FCHSD2: variants seen among roughly 807,000 people sequenced by gnomAD.
FCHSD2 encodes the protein F-BAR and double SH3 domains protein 2.
FCHSD2 carries 38 observed loss-of-function variants against 108.1 expected under a neutral mutation model. The observed-to-expected ratio is 0.35, with a 90% CI of 0.27 to 0.46. The LOEUF (loss-of-function observed/expected upper bound fraction) is 0.46, where lower values mean the gene tolerates loss of function less well. Ranked by LOEUF, FCHSD2 falls within the 20% of genes least tolerant of loss-of-function variation. The pLI is 1.00. For missense variants in FCHSD2, 751 were observed against 897.8 expected (o/e 0.84, Z 2.09); for synonymous variants, 279 against 314.7 (o/e 0.89, Z 1.20).
At chr11:73,113,317 C>T (rs1397550103) in intron 2 of FCHSD2, among the ~76,000 whole-genome samples, 1 of 141,164 alleles carries the variant, frequency 7.1e-6, no homozygotes, top group Non-Finnish European at 1.5e-5. Context: ...TCCCTGGTAC[C>T]TTAGTTTGGT....
At chr11:72,940,757 A>G in intron 8 of FCHSD2, 1 of 853,546 alleles carries the variant, frequency 1.2e-6, no homozygotes, top group Non-Finnish European at 2.0e-6. Context: ...CCTGTTCATC[A>G]TGGTGTTAAT....
intron 2 of FCHSD2, among the ~76,000 whole-genome samples, chr11:73,129,509 T>C (rs1319446206): frequency 1.3e-5 from 2 of 152,220 alleles, no homozygotes; most frequent in Non-Finnish European, 1.5e-5. Flanking sequence ...GGGATCTAGG[T>C]TGCATGCTCC....
chr11:72,872,200 T>TTCA (rs1854874644), intron 12 of FCHSD2, among the ~76,000 whole-genome samples: 4 of 152,076 alleles, frequency 2.6e-5, no homozygotes, highest in African/African-American at 7.2e-5. Flanking sequence ...GCTTATTCTT[T>TTCA]TCATAATTTC....
intron 8 of FCHSD2, among the ~76,000 whole-genome samples, chr11:72,933,008 T>C (rs1856225828): frequency 6.6e-6 from 1 of 152,214 alleles, no homozygotes; most frequent in African/African-American, 2.4e-5. Flanking sequence ...TCTAATTCAG[T>C]AATTTTCAAA....
intron 12 of FCHSD2, among the ~76,000 whole-genome samples, chr11:72,874,732 C>G (rs1854931660): frequency 1.3e-5 from 2 of 152,208 alleles, no homozygotes; most frequent in Non-Finnish European, 2.9e-5. Flanking sequence ...CAGATTTAGA[C>G]TGCAGTCCCA....
chr11:72,916,453 C>T (rs1164861876), intron 9 of FCHSD2, among the ~76,000 whole-genome samples: 1 of 151,846 alleles, frequency 6.6e-6, no homozygotes, highest in Non-Finnish European at 1.5e-5. Context: ...GTTGGGACAA[C>T]AGGTATGCAG....
At chr11:72,918,425 T>C (rs1855918162) in intron 9 of FCHSD2, among the ~76,000 whole-genome samples, 1 of 152,022 alleles carries the variant, frequency 6.6e-6, no homozygotes, top group Non-Finnish European at 1.5e-5. Context: ...CAATGGTTAA[T>C]AGCGGTGGTG....
chr11:72,881,477 G>A (rs1297221618), intron 12 of FCHSD2, among the ~76,000 whole-genome samples: 1 of 152,194 alleles, frequency 6.6e-6, no homozygotes, highest in Non-Finnish European at 1.5e-5. Flanking sequence ...AAAACAGCAT[G>A]GAGGTTTCTC....
At chr11:73,024,947 T>C (rs1858192483) in intron 3 of FCHSD2, among the ~76,000 whole-genome samples, 1 of 152,128 alleles carries the variant, frequency 6.6e-6, no homozygotes, top group Admixed American at 6.6e-5. Flanking sequence ...TGAGATACTA[T>C]CTAACACCAG....
At chr11:72,967,122 C>T (rs1388335350) in intron 8 of FCHSD2, among the ~76,000 whole-genome samples, 2 of 151,722 alleles carry the variant, frequency 1.3e-5, no homozygotes, top group African/African-American at 2.4e-5. Context: ...ATGGCGTGAA[C>T]CCGGGAGGCA....
chr11:73,025,669 A>G (rs981000948), intron 3 of FCHSD2, among the ~76,000 whole-genome samples: 1 of 152,142 alleles, frequency 6.6e-6, no homozygotes, highest in Non-Finnish European at 1.5e-5. Context: ...AAATAAATAG[A>G]ATTTTAAAAA....
chr11:72,943,272 C>A (rs1856457165), intron 8 of FCHSD2, among the ~76,000 whole-genome samples: 1 of 152,184 alleles, frequency 6.6e-6, no homozygotes, highest in Non-Finnish European at 1.5e-5. Flanking sequence ...GGATTACAGG[C>A]ATGACCTACT....
At chr11:72,901,106 T>C (rs566507392) in intron 10 of FCHSD2, among the ~76,000 whole-genome samples, 5 of 152,310 alleles carry the variant, frequency 3.3e-5, no homozygotes, top group East Asian at 3.9e-4. Flanking sequence ...CAATTGCCAA[T>C]TGGGGCCGGA....
intron 3 of FCHSD2, among the ~76,000 whole-genome samples, chr11:73,040,041 C>A (rs1858596782): frequency 6.6e-6 from 1 of 152,160 alleles, no homozygotes; most frequent in African/African-American, 2.4e-5. Context: ...ACGTTGAACA[C>A]AATGTTTCCT....
At chr11:73,138,356 C>A (rs1760148324) in intron 2 of FCHSD2, among the ~76,000 whole-genome samples, 1 of 152,172 alleles carries the variant, frequency 6.6e-6, no homozygotes, top group South Asian at 2.1e-4. Flanking sequence ...AAGCTACAGA[C>A]AACAGGGGAA....
At chr11:73,139,377 T>C (rs1304957482) in intron 2 of FCHSD2, among the ~76,000 whole-genome samples, 1 of 152,260 alleles carries the variant, frequency 6.6e-6, no homozygotes, top group Non-Finnish European at 1.5e-5. Flanking sequence ...TTTGTTGAAC[T>C]GTCAGTCTGT....
chr11:72,901,308 G>C (rs1186883830), intron 10 of FCHSD2, among the ~76,000 whole-genome samples: 2 of 2,876 alleles, frequency 7.0e-4, no homozygotes, highest in East Asian at 0.25. Context: ...GATGTGGGAG[G>C]ATCACTTGAG....
chr11:73,081,781 CTG>C (rs370402231), intron 3 of FCHSD2, among the ~76,000 whole-genome samples: 2 of 152,144 alleles, frequency 1.3e-5, no homozygotes, highest in East Asian at 3.9e-4. Context: ...GGCATCATAA[CTG>C]TTGCTATTTC....
At position 72,838,498 on chromosome 11, in the gene FCHSD2, CAT is replaced by C; in HGVS notation, c.*291_*292del. On this transcript the variant is annotated 3_prime_UTR_variant, in exon 20 of 20. Coordinates refer to ENST00000409418, the MANE Select transcript of FCHSD2 (RefSeq NM_014824.3). Reference sequence around the variant, plus strand: ...TGGAATGAGGCCTGTTCTTGAGTCTCATATAAAAACAGACCACTGTTAGGCAT... The same window carrying C: ...TGGAATGAGGCCTGTTCTTGAGTCTCATAAAAACAGACCACTGTTAGGCAT... 2.2e-6 allele frequency: 1 copy of C among 449,238 alleles called. No homozygotes were observed. The highest frequency in any genetic ancestry group is 4.1e-6 in the Non-Finnish European group (1 of 243,938). 27.8% of individuals were successfully genotyped at this position (449,238 alleles called of 1,614,324 possible). A position where few individuals can be genotyped will look rare whatever the true frequency, so the allele number is the denominator to read the frequency against.
Sources: allele counts gnomAD v4.1 joint callset (sites outside exome capture counted in the v4.1 genomes callset), GRCh38; gene constraint gnomAD v4.1.1; transcripts MANE v1.5; gene names NCBI Gene and HGNC (gene_info 2026-07-23, HGNC 2026-07-21).